FMN2: variants seen among roughly 807,000 people sequenced by gnomAD.
FMN2 encodes the protein formin 2.
FMN2 carries 51 observed loss-of-function variants against 142.3 expected under a neutral mutation model. The ratio of observed to expected loss-of-function variants is 0.36; its 90% CI spans 0.29 to 0.45. The LOEUF (loss-of-function observed/expected upper bound fraction) is 0.45, where lower values mean the gene tolerates loss of function less well. FMN2 is among the 20% of genes least tolerant of loss of function. The probability of loss-of-function intolerance (pLI) is 1.00; values close to 1 mark genes in which losing one functional copy is unlikely to be tolerated. For missense variants in FMN2, 1,936 were observed against 2,122.8 expected (o/e 0.91, Z 1.73); for synonymous variants, 882 against 869.8 (o/e 1.01, Z -0.25).
At chr1:240,227,867 A>G (rs766606999) in intron 6 of FMN2, among the ~76,000 whole-genome samples, 5 of 152,204 alleles carry the variant, frequency 3.3e-5, no homozygotes, top group Admixed American at 6.5e-5. Flanking sequence ...AAACAATACC[A>G]TCAAAAAACT....
At chr1:240,246,206 A>T (rs556666635) in intron 6 of FMN2, among the ~76,000 whole-genome samples, 11 of 145,772 alleles carry the variant, frequency 7.5e-5, no homozygotes, top group African/African-American at 2.3e-4. Context: ...AATAAATAAA[A>T]AAAGTAGAGG....
chr1:240,309,170 C>T (rs184760079), intron 8 of FMN2, among the ~76,000 whole-genome samples: 2 of 152,056 alleles, frequency 1.3e-5, no homozygotes, highest in Admixed American at 1.3e-4. Context: ...TTAACAGCAC[C>T]CTAGGGATGA....
intron 4 of FMN2, among the ~76,000 whole-genome samples, chr1:240,192,035 A>G (rs538786866): frequency 6.6e-6 from 1 of 152,332 alleles, no homozygotes; most frequent in East Asian, 1.9e-4. Flanking sequence ...TATGATCTAT[A>G]TGCAAATAAA....
intron 8 of FMN2, among the ~76,000 whole-genome samples, chr1:240,318,043 C>T (rs188804838): frequency 3.7e-4 from 56 of 152,244 alleles, no homozygotes; most frequent in Non-Finnish European, 5.9e-4. Flanking sequence ...TTCTCTCTGG[C>T]GATATGTCTG....
rs545084915 is a variant in FMN2, at chr1:240,107,480, T to C, written c.1615+13756T>C. On this transcript the variant is annotated intron_variant, in intron 1 of 17. Transcript: ENST00000319653. Reference sequence around the variant, plus strand: ...ACTTTTATGGATTTAACTTAATAGATACAACAATTAAATTAAAAAAACATT... The same window carrying C: ...ACTTTTATGGATTTAACTTAATAGACACAACAATTAAATTAAAAAAACATT... Among the ~76,000 whole-genome samples, 167 of 152,328 alleles carry C rather than the reference T, an allele frequency of 1.1e-3. 1 individual carries two copies. The highest frequency in any genetic ancestry group is 6.8e-3 in the Middle Eastern group (2 of 294).
rs751374251 is a variant in FMN2, at chr1:240,092,388, C to T, written c.279C>T (p.Ser93=). The T allele has an allele frequency of 1.2e-6, 2 of 1,612,570 alleles. No individual in the cohort carries two copies. Among genetic ancestry groups the T allele is most frequent in the South Asian group, 1.1e-5 (1 of 90,930 alleles). The change falls in exon 1 of 18, where the codon TCC becomes TCT. Residue 93 remains serine, a synonymous_variant. Coordinates refer to ENST00000319653, the MANE Select transcript of FMN2 (RefSeq NM_020066.5). ...CCAAGGGGAAAGGCGCCGGCGGCTCCCGCGAAGATGTACTGGATTCCCAGG... is the reference window on the plus strand; with the variant it reads ...CCAAGGGGAAAGGCGCCGGCGGCTCTCGCGAAGATGTACTGGATTCCCAGG... ...NLSKGKGAGG[S]REDVLDSQAL...
intron 11 of FMN2, 39 bp downstream of exon 11, chr1:240,330,788 A>G: frequency 6.3e-7 from 1 of 1,596,614 alleles, no homozygotes; most frequent in East Asian, 2.2e-5. Flanking sequence ...CACATTGAGG[A>G]GTCAAGGTTT....
At chr1:240,184,459 G>C (rs557926561) in intron 3 of FMN2, among the ~76,000 whole-genome samples, 1 of 149,190 alleles carries the variant, frequency 6.7e-6, no homozygotes, top group East Asian at 2.0e-4. Flanking sequence ...CTTGTGATCT[G>C]CCCGCCTCGG....
chr1:240,424,788 AAATCTT>A (rs1674881958), intron 15 of FMN2, among the ~76,000 whole-genome samples: 1 of 152,208 alleles, frequency 6.6e-6, no homozygotes, highest in South Asian at 2.1e-4. Context: ...AGACAGAACT[AAATCTT>A]AGTTATCCAT....
chr1:240,191,508 A>G (rs1384212856), intron 4 of FMN2, among the ~76,000 whole-genome samples: 1 of 152,240 alleles, frequency 6.6e-6, no homozygotes, highest in Non-Finnish European at 1.5e-5. Context: ...ATTTCAAGTA[A>G]TATGCTCTGA....
intron 7 of FMN2, among the ~76,000 whole-genome samples, chr1:240,267,686 A>T (rs963078157): frequency 6.6e-6 from 1 of 151,976 alleles, no homozygotes; most frequent in Non-Finnish European, 1.5e-5. Flanking sequence ...ATATAACAAA[A>T]TGAATTTTGC....
intron 8 of FMN2, among the ~76,000 whole-genome samples, chr1:240,306,599 G>A (rs1477756252): frequency 2.0e-5 from 3 of 152,180 alleles, no homozygotes; most frequent in Non-Finnish European, 4.4e-5. Flanking sequence ...TCATGGTGTT[G>A]TAGCATTCCG....
At position 240,355,848 on chromosome 1, in the gene FMN2, G is replaced by C. The variant is rs1672247369; in HGVS notation, c.4798G>C (p.Val1600Leu). ...CEVEAGKVYQVSSKEHMQPFK... is the reference protein window; with the variant it reads ...CEVEAGKVYQLSSKEHMQPFK... ...AGTTGAAGCAGGGAAAGTATACCAG[G>C]TCTCCTCAAAAGAGCATATGCAGCC... is the stretch of plus-strand genomic sequence containing the variant. Residue 1600 changes from valine (V) to leucine (L), a missense_variant, in exon 14 of 18, where the codon GTC (valine) becomes CTC (leucine). Val to Leu is a conservative substitution (Grantham distance 32). Around this residue, in one of 8 missense-constraint regions of FMN2, gnomAD observed 322 missense variants for 401.6 expected, o/e 0.80. Transcript: ENST00000319653. The C allele has an allele frequency of 6.2e-7, 1 of 1,607,080 alleles. No individual in the cohort carries two copies. Among genetic ancestry groups the C allele is most frequent in the Non-Finnish European group, 8.5e-7 (1 of 1,176,424 alleles).
chr1:240,143,815 G>A, intron 2 of FMN2: 1 of 1,531,444 alleles, frequency 6.5e-7, no homozygotes, highest in Non-Finnish European at 9.0e-7. Context: ...TCATTCCACA[G>A]GCTAGAGCTG....
rs1412058548 is a variant in FMN2, at chr1:240,157,452, A to G, written c.1783-20469A>G. 2.0e-5 allele frequency among the ~76,000 whole-genome samples: 3 copies of G among 152,208 alleles called. No individual in the cohort carries two copies. In the East Asian group the frequency reaches 5.8e-4, roughly 29 times the overall value. On this transcript the variant is annotated intron_variant, in intron 2 of 17. Transcript: ENST00000319653. The stretch of plus-strand genomic sequence containing the variant: ...TATGGCTCTGCACAGCTGTACTGAA[A>G]GATTTTGTTTTCACTTTTCAGAAGT...
At chr1:240,275,340 C>T (rs1181806936) in intron 7 of FMN2, among the ~76,000 whole-genome samples, 2 of 151,706 alleles carry the variant, frequency 1.3e-5, no homozygotes, top group African/African-American at 4.8e-5. Flanking sequence ...ACATGTGGTG[C>T]TTGGTTTTCT....
At chr1:240,437,292 C>CTTTTTTTTTT (rs10649766) in intron 15 of FMN2, among the ~76,000 whole-genome samples, 3 of 117,396 alleles carry the variant, frequency 2.6e-5, no homozygotes, top group African/African-American at 6.9e-5. Context: ...GCATCTCTTG[C>CTTTTTTTTTT]TTTTTTTTTT....
At chr1:240,268,814 T>C (rs151080410) in intron 7 of FMN2, among the ~76,000 whole-genome samples, 152 of 152,216 alleles carry the variant, frequency 1.0e-3, no homozygotes, top group African/African-American at 3.6e-3. Context: ...AGAGCATTTT[T>C]TCATTTATCA....
chr1:240,223,173 T>C (rs1667180624), intron 6 of FMN2, among the ~76,000 whole-genome samples: 1 of 152,194 alleles, frequency 6.6e-6, no homozygotes, highest in Admixed American at 6.5e-5. Context: ...ATACCTAGTT[T>C]ATTGAGAGCT....
Sources: gnomAD v4.1 joint callset for allele counts (sites outside exome capture counted in the v4.1 genomes callset) on GRCh38, gnomAD v4.1.1 for gene constraint, gnomAD v4.1.1 regional missense constraint, MANE v1.5 for transcripts, NCBI Gene and HGNC (gene_info 2026-07-23, HGNC 2026-07-21) for gene names.